The following BCAS3 variants were observed in gnomAD, a reference collection of about 807,000 sequenced individuals.
BCAS3 encodes the protein BCAS4/BCAS3 fusion.
BCAS3 carries 53 observed loss-of-function variants against 116.1 expected under a neutral mutation model. The ratio of observed to expected loss-of-function variants is 0.46; its 90% CI spans 0.37 to 0.57. The LOEUF is 0.57. Ranked by LOEUF, BCAS3 falls within the 20% of genes least tolerant of loss-of-function variation. The pLI is 0.00. For missense variants in BCAS3, 917 were observed against 1,165.4 expected (o/e 0.79, Z 3.10); for synonymous variants, 391 against 408.2 (o/e 0.96, Z 0.51).
chr17:61,029,239 A>G lies in BCAS3; in HGVS notation c.1638-5427A>G, dbSNP rs2066464119. On this transcript the variant is annotated intron_variant, in intron 16 of 23. Coordinates refer to ENST00000407086, the MANE Select transcript of BCAS3 (RefSeq NM_017679.5). This position sits in a 1 kb window ranked among gnomAD's most constrained non-coding sequence, Gnocchi z 5.2. ...GCTAAGAATTTGCTTTTGGTATATC[A>G]CAATTTCTGCTAGTTCTTTATTCTC... Among the ~76,000 whole-genome samples the G allele has an allele frequency of 1.3e-5, 2 of 151,932 alleles. No homozygotes were observed. The highest frequency in any genetic ancestry group is 6.6e-5 in the Admixed American group (1 of 15,234).
In BCAS3 at chr17:61,349,163, T is replaced by C. The variant is rs1330471074; in HGVS notation, c.2426-19164T>C. Among the ~76,000 whole-genome samples, 1 of 152,194 alleles carries C rather than the reference T, an allele frequency of 6.6e-6. No homozygotes were observed. The highest frequency in any genetic ancestry group is 6.5e-5 in the Admixed American group (1 of 15,274). On this transcript the variant is annotated intron_variant, in intron 22 of 23. Transcript: ENST00000407086. The surrounding 1 kb of genome is among the most constrained non-coding windows in gnomAD (Gnocchi z 4.7). ...CTACCCTAGAATCACTGTGCTGGAA[T>C]ATCCAGAAGGGCCTGAGAATTCATT... is the stretch of plus-strand genomic sequence containing the variant.
chr17:60,959,190 C>T (rs1363598571), intron 14 of BCAS3, among the ~76,000 whole-genome samples: 4 of 151,936 alleles, frequency 2.6e-5, no homozygotes, highest in African/African-American at 9.7e-5. Flanking sequence ...GTCTGTAGTC[C>T]CACCTCCTTG....
At chr17:60,739,938 G>A (rs549213503) in intron 5 of BCAS3, among the ~76,000 whole-genome samples, 23 of 150,508 alleles carry the variant, frequency 1.5e-4, no homozygotes, top group Non-Finnish European at 2.7e-4. Flanking sequence ...TGCTTGCATC[G>A]TTTATGAGGA....
intron 23 of BCAS3, among the ~76,000 whole-genome samples, chr17:61,382,559 G>A (rs1230200624): frequency 1.3e-5 from 2 of 151,868 alleles, no homozygotes; most frequent in Non-Finnish European, 2.9e-5. Flanking sequence ...ACCGCGCCTG[G>A]CCAGGAGAAT....
intron 22 of BCAS3, among the ~76,000 whole-genome samples, chr17:61,299,609 G>A (rs1225100502): frequency 6.6e-6 from 1 of 152,140 alleles, no homozygotes; most frequent in Non-Finnish European, 1.5e-5. Context: ...TGTGCTATTA[G>A]TGTGGGGCAG....
At chr17:60,758,357 A>G (rs2043193896) in intron 6 of BCAS3, among the ~76,000 whole-genome samples, 1 of 151,996 alleles carries the variant, frequency 6.6e-6, no homozygotes, top group South Asian at 2.1e-4. Flanking sequence ...TTTCATTGAT[A>G]CTTTGTATTG....
intron 7 of BCAS3, among the ~76,000 whole-genome samples, chr17:60,821,230 C>G (rs954722882): frequency 1.3e-5 from 2 of 152,138 alleles, no homozygotes; most frequent in African/African-American, 4.8e-5. Flanking sequence ...TACAGGCATG[C>G]GCCACCTCAC....
intron 13 of BCAS3, among the ~76,000 whole-genome samples, chr17:60,932,391 CA>C (rs2059694815): frequency 6.6e-6 from 1 of 152,140 alleles, no homozygotes; most frequent in Non-Finnish European, 1.5e-5. Context: ...GACATTTATT[CA>C]ATGTTGTTAT....
intron 19 of BCAS3, among the ~76,000 whole-genome samples, chr17:61,074,592 C>T (rs1158264894): frequency 1.3e-5 from 2 of 152,104 alleles, no homozygotes; most frequent in Admixed American, 6.6e-5. Flanking sequence ...ACTAAATAAA[C>T]TCTTTTAAAG....
chr17:60,902,199 T>C (rs1430244702), intron 10 of BCAS3, among the ~76,000 whole-genome samples: 2 of 152,232 alleles, frequency 1.3e-5, no homozygotes, highest in East Asian at 3.8e-4. Context: ...ACTTTTTATG[T>C]TTTCTTTTAT....
intron 22 of BCAS3, among the ~76,000 whole-genome samples, chr17:61,245,928 C>G (rs571886614): frequency 9.9e-4 from 151 of 152,274 alleles, no homozygotes; most frequent in African/African-American, 3.3e-3. Context: ...GTGCACTCAG[C>G]GTGAGGCTGA....
chr17:60,982,973 T>C lies in BCAS3; in HGVS notation c.1222-6998T>C, dbSNP rs140249865. On this transcript the variant is annotated intron_variant, in intron 14 of 23. Transcript: ENST00000407086. Reference sequence around the variant, plus strand: ...CCAGGAGCACATATACTTTATCTCTTGCTATTCACATCTGCTTAGTTCCTG... The same window carrying C: ...CCAGGAGCACATATACTTTATCTCTCGCTATTCACATCTGCTTAGTTCCTG... 4.0e-4 allele frequency among the ~76,000 whole-genome samples: 61 copies of C among 152,310 alleles called. 1 individual carries two copies. The highest frequency in any genetic ancestry group is 1.2e-3 in the African/African-American group (48 of 41,576).
chr17:61,102,061 T>C (rs978237519), intron 22 of BCAS3, among the ~76,000 whole-genome samples: 6 of 152,068 alleles, frequency 3.9e-5, no homozygotes, highest in African/African-American at 1.4e-4. Context: ...AGAATAAAAA[T>C]AAGGAATTAC....
chr17:61,235,032 C>T lies in BCAS3; in HGVS notation c.2426-133295C>T, dbSNP rs1025760096. 9.2e-5 allele frequency among the ~76,000 whole-genome samples: 14 copies of T among 152,090 alleles called. No individual in the cohort carries two copies. The highest frequency in any genetic ancestry group is 2.6e-4 in the Admixed American group (4 of 15,276). ...CCTCCCGAGTAGCTGGGACTATAGG[C>T]GCACGCCACCACTCCTGGCTAAGTT... On this transcript the variant is annotated intron_variant, in intron 22 of 23. Transcript: ENST00000407086. The surrounding 1 kb of genome is among the most constrained non-coding windows in gnomAD (Gnocchi z 5.0).
At chr17:60,968,643 C>T (rs2061786646) in intron 14 of BCAS3, among the ~76,000 whole-genome samples, 1 of 152,068 alleles carries the variant, frequency 6.6e-6, no homozygotes, top group South Asian at 2.1e-4. Context: ...TACTGCCTAT[C>T]CTGATTTGGG....
chr17:60,952,765 C>T (rs992624774), intron 14 of BCAS3, among the ~76,000 whole-genome samples: 3 of 152,072 alleles, frequency 2.0e-5, no homozygotes, highest in African/African-American at 4.8e-5. Flanking sequence ...TCCTCTCCCT[C>T]CTTCCATCTT....
rs2053309097 is a variant in BCAS3, at chr17:61,300,112, G to A, written c.2426-68215G>A. Among the ~76,000 whole-genome samples the A allele has an allele frequency of 6.6e-6, 1 of 152,120 alleles. No individual in the cohort carries two copies. Among genetic ancestry groups the A allele is most frequent in the Non-Finnish European group, 1.5e-5 (1 of 68,032 alleles). ...CTGTTTAGTACAGTACTAGGCAGAA[G>A]GTGCTTTCTCCTCACGTTACATTTT... On this transcript the variant is annotated intron_variant, in intron 22 of 23. Coordinates refer to ENST00000407086, the MANE Select transcript of BCAS3 (RefSeq NM_017679.5). The surrounding 1 kb of genome is among the most constrained non-coding windows in gnomAD (Gnocchi z 5.1).
At chr17:61,163,800 A>G (rs1310714306) in intron 22 of BCAS3, among the ~76,000 whole-genome samples, 3 of 152,008 alleles carry the variant, frequency 2.0e-5, no homozygotes, top group Non-Finnish European at 2.9e-5. Flanking sequence ...CAGCTTGACC[A>G]ACATGGAGAA....
intron 14 of BCAS3, among the ~76,000 whole-genome samples, chr17:60,969,173 G>A (rs760012930): frequency 2.0e-5 from 3 of 151,966 alleles, no homozygotes; most frequent in Admixed American, 6.6e-5. Context: ...TTAAAATCTC[G>A]GTACTATATA....
Sources: allele counts gnomAD v4.1 joint callset (sites outside exome capture counted in the v4.1 genomes callset), GRCh38; gene constraint gnomAD v4.1.1; non-coding constraint Gnocchi (gnomAD v3.1); transcripts MANE v1.5; gene names NCBI Gene and HGNC (gene_info 2026-07-23, HGNC 2026-07-21).